PLPPR1: variants seen among roughly 807,000 people sequenced by gnomAD.
PLPPR1 encodes the protein phospholipid phosphatase-related protein type 1.
A neutral mutation model predicts 33.1 loss-of-function variants in PLPPR1; 10 were observed. The ratio of observed to expected loss-of-function variants is 0.30; its 90% CI spans 0.19 to 0.51. PLPPR1 has a LOEUF of 0.51. Among genes scored for constraint, PLPPR1 ranks in the 20% least tolerant of loss-of-function variants. The pLI is 0.97. For synonymous variants in PLPPR1, 151 were observed against 151.0 expected, an observed-to-expected ratio of 1.00 and a Z score of 0.00; for missense variants, 304 against 408.1, an observed-to-expected ratio of 0.74 and a Z score of 2.20.
At chr9:101,313,668 A>G (rs1829002319) in intron 6 of PLPPR1, among the ~76,000 whole-genome samples, 1 of 152,186 alleles carries the variant, frequency 6.6e-6, no homozygotes, top group Non-Finnish European at 1.5e-5. Context: ...CTCACCTAGG[A>G]AATCCCTTAA....
rs1228752245 is a variant in PLPPR1 at position 101,312,817 on chromosome 9, T to C, written c.656T>C (p.Ile219Thr). 6.2e-7 allele frequency: 1 copy of C among 1,614,076 alleles called. No homozygotes were observed. Among genetic ancestry groups the C allele is most frequent in the Non-Finnish European group, 8.5e-7 (1 of 1,180,030 alleles). The stretch of plus-strand genomic sequence containing the variant: ...TTCCAGATGTATATTACAAGCACAA[T>C]CAAGACGAAGAGCAGTCGACTGGCC... ...LYATMYITSTIKTKSSRLAKP... is the reference protein window; with the variant it reads ...LYATMYITSTTKTKSSRLAKP... The change falls in exon 6 of 8, where the codon ATC becomes ACC. Residue 219 changes from isoleucine (I) to threonine (T), a missense_variant. Transcript: ENST00000374874.
At chr9:101,226,371 A>G (rs1827068184) in intron 2 of PLPPR1, among the ~76,000 whole-genome samples, 1 of 152,172 alleles carries the variant, frequency 6.6e-6, no homozygotes, top group South Asian at 2.1e-4. Flanking sequence ...AAAACAGCTG[A>G]AGCTACTGAA....
chr9:101,180,135 TATATATATAC>T (rs1328923378), intron 1 of PLPPR1, among the ~76,000 whole-genome samples: 43 of 41,016 alleles, frequency 1.0e-3, no homozygotes, highest in African/African-American at 2.0e-3. Context: ...TATATATATA[TATATATATAC>T]ACACACACAC....
chr9:101,237,455 CGTGTGTGT>C (rs57041590), intron 2 of PLPPR1, among the ~76,000 whole-genome samples: 1 of 148,510 alleles, frequency 6.7e-6, no homozygotes, highest in Admixed American at 6.7e-5. Context: ...AAAGAAAGGT[CGTGTGTGT>C]GTGTGTGTGT....
At chr9:101,323,469 C>CAAAAAA (rs11339430) in intron 7 of PLPPR1, among the ~76,000 whole-genome samples, 3 of 93,794 alleles carry the variant, frequency 3.2e-5, no homozygotes, top group African/African-American at 7.1e-5. Context: ...AACCCTGTCT[C>CAAAAAA]AAAAAAAAAA....
At chr9:101,320,942 T>C (rs531234081) in intron 7 of PLPPR1, among the ~76,000 whole-genome samples, 1 of 152,266 alleles carries the variant, frequency 6.6e-6, no homozygotes, top group East Asian at 1.9e-4. Flanking sequence ...TCAATGAAAA[T>C]TCTTTTTTGA....
In PLPPR1 at chr9:101,235,587, G is replaced by GA. The variant is rs957004395; in HGVS notation, c.64-34285dup. Among the ~76,000 whole-genome samples, 21 of 151,472 alleles carry GA rather than the reference G, an allele frequency of 1.4e-4. 1 individual carries two copies. In the South Asian group the frequency reaches 3.7e-3, roughly 27 times the overall value. ...CAGATGACATGTGAATTTTTTCCAA[G>GA]AAAAAAAATAGTTTCTTATCTGCTT... On this transcript the variant is annotated intron_variant, in intron 2 of 7. Transcript: ENST00000374874.
At chr9:101,058,365 G>A (rs1830303904) in intron 1 of PLPPR1, among the ~76,000 whole-genome samples, 1 of 151,752 alleles carries the variant, frequency 6.6e-6, no homozygotes, top group Non-Finnish European at 1.5e-5. Context: ...AGACTCTGAG[G>A]AGGTGGGGGT....
intron 1 of PLPPR1, among the ~76,000 whole-genome samples, chr9:101,039,463 TA>T (rs1285467864): frequency 2.9e-4 from 44 of 152,290 alleles, no homozygotes; most frequent in African/African-American, 9.4e-4. Context: ...TATACAGCTA[TA>T]AGGGCTATAT....
intron 4 of PLPPR1, among the ~76,000 whole-genome samples, chr9:101,288,302 C>T (rs942426348): frequency 4.6e-5 from 7 of 152,140 alleles, no homozygotes; most frequent in Non-Finnish European, 8.8e-5. Context: ...AAATTTGTCA[C>T]GCTGGAGGAG....
chr9:101,160,038 G>C (rs1831752378), intron 1 of PLPPR1, among the ~76,000 whole-genome samples: 1 of 152,154 alleles, frequency 6.6e-6, no homozygotes, highest in South Asian at 2.1e-4. Context: ...TAAAGAAGTG[G>C]AGTGAGAATG....
intron 1 of PLPPR1, among the ~76,000 whole-genome samples, chr9:101,064,026 G>A (rs1175727599): frequency 6.6e-6 from 1 of 152,034 alleles, no homozygotes; most frequent in East Asian, 1.9e-4. Context: ...TGGGTTATGA[G>A]TAAATAATTG....
chr9:101,211,046 C>A (rs149030109), intron 2 of PLPPR1, among the ~76,000 whole-genome samples: 35 of 152,308 alleles, frequency 2.3e-4, no homozygotes, highest in South Asian at 1.7e-3. Context: ...GGATTACAGG[C>A]GTAAGCCACC....
chr9:101,208,205 A>C (rs1826623969), intron 2 of PLPPR1, among the ~76,000 whole-genome samples: 1 of 152,222 alleles, frequency 6.6e-6, no homozygotes, highest in African/African-American at 2.4e-5. Context: ...GAATAGATTT[A>C]GGATTTTTAA....
At position 101,087,206 on chromosome 9, in the gene PLPPR1, TA is replaced by T. The variant is rs1040500736; in HGVS notation, c.-46+58112del. ...CAAAAAAAAAAAAATAAAATAAAAA[TA>T]AAAAAAATTGAGATTAGATTTGTAT... is the stretch of plus-strand genomic sequence containing the variant. On this transcript the variant is annotated intron_variant, in intron 1 of 7. Transcript: ENST00000374874. Among the ~76,000 whole-genome samples, 22 of 143,936 alleles carry T rather than the reference TA, an allele frequency of 1.5e-4. No homozygotes were observed. In the South Asian group the frequency reaches 4.5e-3, roughly 30 times the overall value. 94.4% of individuals were successfully genotyped at this position (143,936 alleles called of 152,430 possible).
chr9:101,244,408 G>C (rs1457725695), intron 2 of PLPPR1, among the ~76,000 whole-genome samples: 1 of 151,920 alleles, frequency 6.6e-6, no homozygotes, highest in Non-Finnish European at 1.5e-5. Flanking sequence ...TTACAAGAAA[G>C]CTAAATTAGT....
At position 101,185,548 on chromosome 9, in the gene PLPPR1, A is replaced by T. The variant is rs146000696; in HGVS notation, c.54A>T (p.Ile18=). The change falls in exon 2 of 8, where the codon ATA becomes ATT. Residue 18 remains isoleucine (I), a synonymous_variant. Transcript: ENST00000374874. ...GTTATTCCATCATCCCGTGTTTTAT[A>T]TTTGTTGAGGTATGTGTATTTTTTA... ...QRSYSIIPCF[I]FVELVIMAGT... 6.2e-7 allele frequency: 1 copy of T among 1,606,910 alleles called. No individual in the cohort carries two copies. The highest frequency in any genetic ancestry group is 1.7e-5 in the Admixed American group (1 of 59,482).
intron 2 of PLPPR1, among the ~76,000 whole-genome samples, chr9:101,233,143 T>C (rs10989444): frequency 6.6e-6 from 1 of 151,986 alleles, no homozygotes; most frequent in African/African-American, 2.4e-5. Flanking sequence ...TTTTCTGAAC[T>C]GAAATGTAAC....
At position 101,038,993 on chromosome 9, in the gene PLPPR1, C is replaced by A. The variant is rs572688986; in HGVS notation, c.-46+9891C>A. 9.8e-4 allele frequency among the ~76,000 whole-genome samples: 149 copies of A among 152,218 alleles called. 1 individual carries two copies. Among genetic ancestry groups the A allele is most frequent in the African/African-American group, 3.5e-3 (146 of 41,548 alleles). On this transcript the variant is annotated intron_variant, in intron 1 of 7. Transcript: ENST00000374874. ...AACATATTGGTAGAGATTTATTTTTCAGTTTAGCTTCTTGCCATCTTGAAC... is the reference window on the plus strand; with the variant it reads ...AACATATTGGTAGAGATTTATTTTTAAGTTTAGCTTCTTGCCATCTTGAAC...
Sources: allele counts gnomAD v4.1 joint callset (sites outside exome capture counted in the v4.1 genomes callset), GRCh38; gene constraint gnomAD v4.1.1; transcripts MANE v1.5; gene names NCBI Gene and HGNC (gene_info 2026-07-23, HGNC 2026-07-21).